Variants in COL18A1 observed in about 807,000 individuals in gnomAD.
The protein encoded by COL18A1 is collagen alpha-1(XVIII) chain.
A neutral mutation model predicts 168.0 loss-of-function variants in COL18A1; 133 were observed. The ratio of observed to expected loss-of-function variants is 0.79; its 90% CI spans 0.69 to 0.91. The LOEUF is 0.91. Among genes scored for constraint, COL18A1 ranks in the 40% least tolerant of loss-of-function variants. The pLI, the probability that COL18A1 is intolerant of heterozygous loss-of-function variation, is 0.00. For missense variants in COL18A1, 2,126 were observed against 1,925.4 expected (o/e 1.10, Z -1.95); for synonymous variants, 949 against 809.0 (o/e 1.17, Z -2.94).
At chr21:45,508,524 G>GGGTGGGTGGAT (rs2037387156) in intron 38 of COL18A1, among the ~76,000 whole-genome samples, 1 of 151,824 alleles carries the variant, frequency 6.6e-6, no homozygotes, top group Non-Finnish European at 1.5e-5. Context: ...GTTAGTGGAT[G>GGGTGGGTGGAT]GGTGGGTGGA....
intron 2 of COL18A1, among the ~76,000 whole-genome samples, chr21:45,436,525 G>C (rs1395529167): frequency 1.3e-5 from 2 of 152,176 alleles, no homozygotes; most frequent in Non-Finnish European, 1.5e-5. Context: ...CAAAAAAGTC[G>C]TCTTTGTGGG....
chr21:45,482,192 G>A (rs1177221092), intron 14 of COL18A1, 167 bp downstream of exon 14: 17 of 630,986 alleles, frequency 2.7e-5, no homozygotes, highest in South Asian at 1.3e-4. Flanking sequence ...TGACCTGGGC[G>A]GCTGGGGCTT....
intron 6 of COL18A1, 135 bp from the exon 7 acceptor site, chr21:45,477,276 G>A (rs1050438852): frequency 1.3e-5 from 9 of 704,122 alleles, no homozygotes; most frequent in African/African-American, 1.8e-5. Flanking sequence ...GCGGCCTGAG[G>A]CTGGGGATCT....
intron 24 of COL18A1, 126 bp downstream of exon 24, chr21:45,492,839 C>A: frequency 5.0e-6 from 4 of 806,632 alleles, no homozygotes; most frequent in South Asian, 4.1e-5. Flanking sequence ...ACAGTCACTG[C>A]CCCCAAGGAA....
intron 2 of COL18A1, among the ~76,000 whole-genome samples, chr21:45,453,282 C>T (rs992234880): frequency 2.0e-5 from 3 of 151,986 alleles, no homozygotes; most frequent in Non-Finnish European, 2.9e-5. Context: ...CTTATATGTA[C>T]ATGTGTGGGG....
At chr21:45,421,369 G>A (rs1285547062) in intron 2 of COL18A1, 1 of 529,538 alleles carries the variant, frequency 1.9e-6, no homozygotes, top group Non-Finnish European at 3.9e-6. Flanking sequence ...GGAGAGCTGG[G>A]AAGGGAAGGA....
chr21:45,455,762 G>A (rs748007378), intron 2 of COL18A1: 3 of 1,613,774 alleles, frequency 1.9e-6, no homozygotes, highest in Non-Finnish European at 2.5e-6. Context: ...GACAGCCCCT[G>A]GCAGCCCTGA....
At chr21:45,421,245 C>T (rs1441929599) in intron 2 of COL18A1, 4 of 365,886 alleles carry the variant, frequency 1.1e-5, no homozygotes, top group South Asian at 2.0e-5. Context: ...TGCTTTGAGC[C>T]CCTTGCAAAG....
chr21:45,495,933 A>G (rs985118141), intron 29 of COL18A1: 3 of 320,208 alleles, frequency 9.4e-6, no homozygotes, highest in African/African-American at 4.3e-5. Flanking sequence ...GGGCATACAC[A>G]CTGCACATGT....
rs1021473315 is a variant in COL18A1, at chr21:45,439,515, G to A, written c.107-28727G>A. Among the ~76,000 whole-genome samples the A allele has an allele frequency of 1.4e-4, 22 of 152,190 alleles. 1 individual carries two copies. In the South Asian group the frequency reaches 4.6e-3, roughly 31 times the overall value. ...GAGCAAAGTGAACTTATTGGTGAAA[G>A]TTGCCATTGGGACTTCGGTGCCTGC... On this transcript the variant is annotated intron_variant, in intron 2 of 41. Coordinates refer to ENST00000651438, the MANE Select transcript of COL18A1 (RefSeq NM_001379500.1).
intron 40 of COL18A1, 92 bp downstream of exon 40, chr21:45,510,353 C>T (rs1306752611): frequency 1.5e-6 from 2 of 1,373,454 alleles, no homozygotes; most frequent in Non-Finnish European, 2.0e-6. Context: ...TCTAGGGCCT[C>T]TGGAGGCCAC....
At chr21:45,422,870 C>T (rs1414324981) in intron 2 of COL18A1, among the ~76,000 whole-genome samples, 1 of 152,078 alleles carries the variant, frequency 6.6e-6, no homozygotes, top group Non-Finnish European at 1.5e-5. Context: ...TCACTGCAAC[C>T]TCCATCTCCT....
Position 45,491,251 on chromosome 21 carries a change from G to A in COL18A1, c.2094G>A (p.Gly698=), listed in dbSNP as rs1306836158. Reference sequence around the variant, plus strand: ...GAGATCCAGGGAAGGACGGAGTCGGGCAGCCGGGCCTCCCTGGCCCCCCCG... The same window carrying A: ...GAGATCCAGGGAAGGACGGAGTCGGACAGCCGGGCCTCCCTGGCCCCCCCG... The part of the protein sequence containing the change: ...EKGDPGKDGV[G]QPGLPGPPGP... The change falls in exon 22 of 42, where the codon GGG becomes GGA. Residue 698 remains glycine, a synonymous_variant. Coordinates refer to ENST00000651438, the MANE Select transcript of COL18A1 (RefSeq NM_001379500.1). 6.2e-7 allele frequency: 1 copy of A among 1,612,476 alleles called. No individual in the cohort carries two copies. The highest frequency in any genetic ancestry group is 1.1e-5 in the South Asian group (1 of 91,084).
Position 45,443,683 on chromosome 21 carries a change from C to T in COL18A1, c.107-24559C>T, listed in dbSNP as rs147759162. The stretch of plus-strand genomic sequence containing the variant: ...TGTCTGTCACATCCCGGGCTGCAGC[C>T]GGGTCCCCAGGGAGGCCTCCGTGAA... On this transcript the variant is annotated intron_variant, in intron 2 of 41. Coordinates refer to ENST00000651438, the MANE Select transcript of COL18A1 (RefSeq NM_001379500.1). The surrounding 1 kb of genome is among the most constrained non-coding windows in gnomAD (Gnocchi z 5.2). Among the ~76,000 whole-genome samples, 259 of 152,292 alleles carry T rather than the reference C, an allele frequency of 1.7e-3. 1 individual carries two copies. Among genetic ancestry groups the T allele is most frequent in the African/African-American group, 6.0e-3 (248 of 41,552 alleles).
rs1391146380 is a variant in COL18A1, at chr21:45,507,330, G to A, written c.3217-231G>A. 8.9e-4 allele frequency: 541 copies of A among 606,570 alleles called. 2 individuals are homozygous for A. Among genetic ancestry groups the A allele is most frequent in the Non-Finnish European group, 1.5e-3 (503 of 336,364 alleles). 37.6% of individuals were successfully genotyped at this position (606,570 alleles called of 1,614,324 possible). A position where few individuals can be genotyped will look rare whatever the true frequency, so the allele number is the denominator to read the frequency against. On this transcript the variant is annotated intron_variant, in intron 37 of 41. Coordinates refer to ENST00000651438, the MANE Select transcript of COL18A1 (RefSeq NM_001379500.1). ...AGGGCACCCTCCTGTGGGCTGGCAG[G>A]GCCGGGTGCTGGGCAGGGAGGGCAC...
At chr21:45,441,927 G>A (rs1203741191) in intron 2 of COL18A1, among the ~76,000 whole-genome samples, 1 of 152,208 alleles carries the variant, frequency 6.6e-6, no homozygotes, top group African/African-American at 2.4e-5. Flanking sequence ...ATGGGGTCTC[G>A]GGGTCTCCCT....
At chr21:45,461,780 G>C (rs970788504) in intron 2 of COL18A1, among the ~76,000 whole-genome samples, 2 of 152,148 alleles carry the variant, frequency 1.3e-5, no homozygotes, top group African/African-American at 4.8e-5. Context: ...TATCCTCCAG[G>C]TTCATTCATA....
chr21:45,512,895 C>T lies in COL18A1; in HGVS notation c.*497C>T. The T allele has an allele frequency of 4.8e-6, 1 of 208,258 alleles. No individual in the cohort carries two copies. The highest frequency in any genetic ancestry group is 9.9e-6 in the Non-Finnish European group (1 of 101,052). The allele number at this position is 208,258 out of a possible 1,614,324, so 12.9% of individuals were successfully genotyped here. On this transcript the variant is annotated 3_prime_UTR_variant, in exon 42 of 42. Transcript: ENST00000651438. Reference sequence around the variant, plus strand: ...TCTGGGCTCCTCCAGGGTGTGTGCTCGCCCTGCGGTAGATGGGAGGGAGGC... The same window carrying T: ...TCTGGGCTCCTCCAGGGTGTGTGCTTGCCCTGCGGTAGATGGGAGGGAGGC...
intron 2 of COL18A1, among the ~76,000 whole-genome samples, chr21:45,435,068 T>C (rs9985044): frequency 0.41 from 61,717 of 151,598 alleles, 13,227 homozygotes; most frequent in African/African-American, 0.55. Context: ...AAAGCCACTG[T>C]CCTGCTTTCT....
Sources: gnomAD v4.1 joint callset for allele counts (sites outside exome capture counted in the v4.1 genomes callset) on GRCh38, gnomAD v4.1.1 for gene constraint, Gnocchi (gnomAD v3.1) non-coding constraint, MANE v1.5 for transcripts, NCBI Gene and HGNC (gene_info 2026-07-23, HGNC 2026-07-21) for gene names.